The following SORCS2 variants were observed in gnomAD, a reference collection of about 807,000 sequenced individuals.
SORCS2 encodes sortilin related VPS10 domain containing receptor 2, also known as VPS10 domain-containing receptor SorCS2.
SORCS2 carries 100 observed loss-of-function variants against 141.6 expected under a neutral mutation model. The observed-to-expected ratio is 0.71, with a 90% confidence interval of 0.60 to 0.83. SORCS2 has a LOEUF of 0.83. Ranked by LOEUF, SORCS2 falls within the 40% of genes least tolerant of loss-of-function variation. SORCS2 has a pLI of 0.00. For missense variants in SORCS2, 1,646 were observed against 1,560.2 expected (o/e 1.05, Z -0.93); for synonymous variants, 789 against 676.9 (o/e 1.17, Z -2.57).
chr4:7,706,080 T>TCTGGGCAGGGATGAGGCTGGGCTCC (rs1725424577), intron 14 of SORCS2, among the ~76,000 whole-genome samples: 3 of 64,710 alleles, frequency 4.6e-5, no homozygotes, highest in African/African-American at 1.0e-4. Flanking sequence ...GGCTGGGCTC[T>TCTGGGCAGGGATGAGGCTGGGCTCC]GCCTGGACAG....
intron 1 of SORCS2, among the ~76,000 whole-genome samples, chr4:7,300,138 A>G (rs1577372345): frequency 6.6e-6 from 1 of 152,120 alleles, no homozygotes; most frequent in Non-Finnish European, 1.5e-5. Flanking sequence ...GTAGCTACTG[A>G]TAAGTGGGAG....
chr4:7,646,238 G>T (rs1018811556), intron 4 of SORCS2, among the ~76,000 whole-genome samples: 2 of 152,362 alleles, frequency 1.3e-5, no homozygotes, highest in Admixed American at 1.3e-4. Flanking sequence ...GGGCCGGCAG[G>T]CTGGGGACAG....
chr4:7,509,717 C>G (rs1732497755), intron 2 of SORCS2, among the ~76,000 whole-genome samples: 1 of 152,170 alleles, frequency 6.6e-6, no homozygotes. Context: ...TGCTGCCAGG[C>G]TATGCCCCAT....
intron 6 of SORCS2, among the ~76,000 whole-genome samples, chr4:7,662,021 G>A (rs180887894): frequency 0.018 from 2,784 of 152,266 alleles, 45 homozygotes; most frequent in Middle Eastern, 0.041. Flanking sequence ...GAGCCAGGAT[G>A]TGTCCCCATT....
At chr4:7,408,082 C>T (rs993749013) in intron 2 of SORCS2, among the ~76,000 whole-genome samples, 4 of 152,146 alleles carry the variant, frequency 2.6e-5, no homozygotes, top group Non-Finnish European at 5.9e-5. Flanking sequence ...TTCTGGGCTT[C>T]ATACTAGAGT....
intron 1 of SORCS2, among the ~76,000 whole-genome samples, chr4:7,225,894 G>A (rs1000447047): frequency 5.3e-5 from 8 of 152,170 alleles, no homozygotes; most frequent in Non-Finnish European, 1.2e-4. Context: ...AGGCTGTGTG[G>A]CCTTTTGGGT....
chr4:7,213,506 T>C (rs116067328), intron 1 of SORCS2, among the ~76,000 whole-genome samples: 20 of 152,278 alleles, frequency 1.3e-4, no homozygotes, highest in African/African-American at 4.8e-4. Context: ...GCGGAGGTGC[T>C]CTGTGGCCAC....
intron 23 of SORCS2, among the ~76,000 whole-genome samples, 166 bp downstream of exon 23, chr4:7,729,878 C>T (rs1711537365): frequency 2.0e-5 from 3 of 152,172 alleles, no homozygotes; most frequent in African/African-American, 7.2e-5. Flanking sequence ...TGTGGCTACG[C>T]CCTCTGGAAG....
intron 1 of SORCS2, among the ~76,000 whole-genome samples, chr4:7,220,526 G>A (rs4689088): frequency 0.64 from 97,387 of 151,852 alleles, 31,323 homozygotes; most frequent in East Asian, 0.73. Context: ...AGGGGCTTGC[G>A]TGATTTTCAA....
chr4:7,734,509 G>A (rs1300762329), intron 25 of SORCS2, 135 bp downstream of exon 25: 1 of 639,764 alleles, frequency 1.6e-6, no homozygotes, highest in Non-Finnish European at 2.6e-6. Flanking sequence ...TTGTGCCTGT[G>A]ATGGGCTGCA....
chr4:7,484,759 A>G (rs73090199), intron 2 of SORCS2, among the ~76,000 whole-genome samples: 7,006 of 152,016 alleles, frequency 0.046, 527 homozygotes, highest in African/African-American at 0.16. Flanking sequence ...TTCACAACAC[A>G]CACCACCTCC....
At position 7,682,797 on chromosome 4, in the gene SORCS2, A is replaced by G. The variant is rs772247600; in HGVS notation, c.1396A>G (p.Met466Val). The G allele has an allele frequency of 6.2e-7, 1 of 1,612,774 alleles. No homozygotes were observed. The highest frequency in any genetic ancestry group is 2.2e-5 in the East Asian group (1 of 44,866). Residue 466 changes from methionine (M) to valine (V), a missense_variant, in exon 10 of 27, where the codon ATG (methionine) becomes GTG (valine). Physicochemically the swap from Met to Val is conservative, Grantham distance 21. Transcript: ENST00000507866. ...AAACCAAAAAATTGATGGGAAAGTG[A>G]TGACGCTTATAACCTACAACAAGGG... is the stretch of plus-strand genomic sequence containing the variant. ...LANQKIDGKV[M>V]TLITYNKGRD...
chr4:7,539,862 G>T lies in SORCS2; in HGVS notation c.648+8233G>T, dbSNP rs1372177022. 9.5e-5 allele frequency among the ~76,000 whole-genome samples: 14 copies of T among 147,878 alleles called. No homozygotes were observed. In the South Asian group the frequency reaches 2.6e-3, roughly 27 times the overall value. ...GGCTGCTCCGCCCCATTCCTGCTGT[G>T]GAAGCCCCATCCCCTCCCTGCTGTG... On this transcript the variant is annotated intron_variant, in intron 3 of 26. Transcript: ENST00000507866.
chr4:7,488,937 C>T (rs915976893), intron 2 of SORCS2, among the ~76,000 whole-genome samples: 1 of 152,244 alleles, frequency 6.6e-6, no homozygotes, highest in Non-Finnish European at 1.5e-5. Flanking sequence ...CTTGCTTGGA[C>T]TACCATAAAT....
At chr4:7,199,106 G>A (rs1053568515) in intron 1 of SORCS2, among the ~76,000 whole-genome samples, 8 of 152,184 alleles carry the variant, frequency 5.3e-5, no homozygotes, top group Admixed American at 2.0e-4. Flanking sequence ...CCTGTGAGCC[G>A]GGAGGATGGG....
At chr4:7,304,883 T>C (rs1206899421) in intron 1 of SORCS2, among the ~76,000 whole-genome samples, 8 of 152,200 alleles carry the variant, frequency 5.3e-5, no homozygotes, top group African/African-American at 4.8e-5. Flanking sequence ...ATTTCCAATG[T>C]TTGGGGCTGG....
At chr4:7,459,997 A>C (rs548586824) in intron 2 of SORCS2, 30 of 154,938 alleles carry the variant, frequency 1.9e-4, no homozygotes, top group African/African-American at 7.0e-4. Context: ...TGCAGAGCCC[A>C]GTGGCCCTGA....
intron 2 of SORCS2, among the ~76,000 whole-genome samples, chr4:7,428,651 A>G (rs1560276347): frequency 6.6e-6 from 1 of 151,928 alleles, no homozygotes; most frequent in East Asian, 1.9e-4. Flanking sequence ...GGGCCAAACA[A>G]AGGCCCTGGG....
Position 7,519,991 on chromosome 4 carries a change from T to C in SORCS2, c.549-11539T>C, listed in dbSNP as rs556556300. Among the ~76,000 whole-genome samples the C allele has an allele frequency of 1.6e-4, 24 of 152,314 alleles. No individual in the cohort carries two copies. The South Asian group carries it at 4.6e-3, about 29-fold the overall frequency. On this transcript the variant is annotated intron_variant, in intron 2 of 26. Transcript: ENST00000507866. ...GGCCCCAGGGCTCCTGCTCTGCCAG[T>C]TCCAGGCTTACCCCCTTCAGTGCTG...
Sources: allele counts gnomAD v4.1 joint callset (sites outside exome capture counted in the v4.1 genomes callset), GRCh38; gene constraint gnomAD v4.1.1; transcripts MANE v1.5; gene names NCBI Gene and HGNC (gene_info 2026-07-23, HGNC 2026-07-21).